The following VAC14 variants were observed in gnomAD, a reference collection of about 807,000 sequenced individuals.
VAC14 encodes the protein protein VAC14 homolog.
In VAC14, 47 loss-of-function variants were observed where a neutral mutation model predicts 85.3. That is an observed-to-expected ratio of 0.55 (90% CI 0.44 to 0.70). The LOEUF (loss-of-function observed/expected upper bound fraction) is 0.70, where lower values mean the gene tolerates loss of function less well. VAC14 is among the 30% of genes least tolerant of loss of function. VAC14 has a pLI of 0.00. For synonymous variants in VAC14, 447 were observed against 430.5 expected, an observed-to-expected ratio of 1.04 and a Z score of -0.47; for missense variants, 861 against 1,004.3, an observed-to-expected ratio of 0.86 and a Z score of 1.93.
At chr16:70,740,777 G>A (rs1277480690) in intron 13 of VAC14, among the ~76,000 whole-genome samples, 2 of 152,236 alleles carry the variant, frequency 1.3e-5, no homozygotes, top group African/African-American at 4.8e-5. Context: ...CTGCGGCTCT[G>A]CACAGGTGAG....
chr16:70,780,274 A>C (rs2143235016), intron 9 of VAC14, among the ~76,000 whole-genome samples: 2 of 152,212 alleles, frequency 1.3e-5, no homozygotes, highest in East Asian at 3.9e-4. Flanking sequence ...GAGAATTTTC[A>C]AGTACAGAAT....
At chr16:70,750,651 A>G (rs1273194527) in intron 12 of VAC14, among the ~76,000 whole-genome samples, 2 of 151,926 alleles carry the variant, frequency 1.3e-5, no homozygotes, top group Admixed American at 6.6e-5. Flanking sequence ...GGCATATTTC[A>G]ATGTGGGAGG....
Position 70,800,976 on chromosome 16 carries a change from G to A in VAC14, c.-76C>T. ...CGCGCCGGGGCCAGGGGAGTCTGCG[G>A]CTCCGCTCTGCCCCCGGCGCCGGCG... On this transcript the variant is annotated 5_prime_UTR_variant, in exon 1 of 19. Transcript: ENST00000261776. 1 of 1,049,886 alleles carries A rather than the reference G, an allele frequency of 9.5e-7. No individual in the cohort carries two copies. Among genetic ancestry groups the A allele is most frequent in the Non-Finnish European group, 1.3e-6 (1 of 758,806 alleles). 65.0% of individuals were successfully genotyped at this position (1,049,886 alleles called of 1,614,324 possible). A position where few individuals can be genotyped will look rare whatever the true frequency, so the allele number is the denominator to read the frequency against.
intron 14 of VAC14, among the ~76,000 whole-genome samples, chr16:70,705,639 C>A (rs1056710098): frequency 6.6e-6 from 1 of 152,160 alleles, no homozygotes; most frequent in African/African-American, 2.4e-5. Context: ...GAGAGATGAG[C>A]GTGGAGGCTG....
chr16:70,787,012 G>A (rs1428089230), intron 1 of VAC14, among the ~76,000 whole-genome samples: 1 of 152,220 alleles, frequency 6.6e-6, no homozygotes, highest in Non-Finnish European at 1.5e-5. Context: ...CCAAGGCCAC[G>A]CAAGCTGACA....
intron 14 of VAC14, among the ~76,000 whole-genome samples, chr16:70,713,549 C>T (rs184704339): frequency 3.2e-4 from 48 of 152,312 alleles, no homozygotes; most frequent in African/African-American, 1.0e-3. Flanking sequence ...TGGAAGAGGG[C>T]AGGCTTGAGG....
chr16:70,751,094 C>G (rs570209028), intron 12 of VAC14, among the ~76,000 whole-genome samples: 2 of 152,192 alleles, frequency 1.3e-5, no homozygotes, highest in Admixed American at 6.5e-5. Context: ...GGAGGATGGA[C>G]GGAGAGGCCG....
At chr16:70,695,822 G>A (rs2053695443) in intron 16 of VAC14, 199 bp from the exon 17 acceptor site, 1 of 538,702 alleles carries the variant, frequency 1.9e-6, no homozygotes, top group Non-Finnish European at 3.4e-6. Flanking sequence ...CTGTTCAGGA[G>A]TTCCAGGTTC....
chr16:70,693,039 C>T, intron 17 of VAC14, 68 bp from the exon 18 acceptor site: 1 of 1,534,428 alleles, frequency 6.5e-7, no homozygotes, highest in Non-Finnish European at 8.8e-7. Flanking sequence ...CCCACACTGC[C>T]TGCCTCCGAC....
intron 12 of VAC14, chr16:70,755,377 TG>T (rs1361246410): frequency 5.1e-6 from 1 of 195,102 alleles, no homozygotes; most frequent in Non-Finnish European, 1.1e-5. Flanking sequence ...CAAAACCCTA[TG>T]GGGTCAGCGG....
chr16:70,725,852 T>C (rs1232914854), intron 14 of VAC14, among the ~76,000 whole-genome samples: 3 of 152,172 alleles, frequency 2.0e-5, no homozygotes, highest in African/African-American at 7.2e-5. Flanking sequence ...CATCTACCAT[T>C]AACTGGGCCG....
intron 12 of VAC14, among the ~76,000 whole-genome samples, chr16:70,751,505 C>T (rs930017639): frequency 2.0e-5 from 3 of 152,222 alleles, no homozygotes; most frequent in Non-Finnish European, 2.9e-5. Flanking sequence ...ACACAGGCCC[C>T]GAGGGCAGGT....
At chr16:70,690,511 C>T (rs2053577266) in intron 18 of VAC14, 1 of 985,522 alleles carries the variant, frequency 1.0e-6, no homozygotes, top group Admixed American at 6.1e-5. Flanking sequence ...TCCCTCCTGC[C>T]TTACTGAGGA....
At chr16:70,711,855 C>T (rs754820102) in intron 14 of VAC14, among the ~76,000 whole-genome samples, 10 of 152,152 alleles carry the variant, frequency 6.6e-5, no homozygotes, top group Non-Finnish European at 1.2e-4. Flanking sequence ...GGAAACAGGA[C>T]GAGAAGTTAA....
chr16:70,756,616 C>T (rs1046802463), intron 12 of VAC14, among the ~76,000 whole-genome samples: 2 of 152,164 alleles, frequency 1.3e-5, no homozygotes, highest in African/African-American at 4.8e-5. Flanking sequence ...CATTCCTCTC[C>T]CCTCAGGACT....
chr16:70,790,482 A>T (rs1567611027), intron 1 of VAC14, among the ~76,000 whole-genome samples: 2 of 152,224 alleles, frequency 1.3e-5, no homozygotes, highest in African/African-American at 4.8e-5. Context: ...GCAGAAGACC[A>T]TGAGCTCGCA....
chr16:70,742,205 C>T (rs941305649), intron 13 of VAC14, among the ~76,000 whole-genome samples: 2 of 152,160 alleles, frequency 1.3e-5, no homozygotes, highest in Admixed American at 6.5e-5. Flanking sequence ...GAGGCTGTGG[C>T]GCCTGCTTCC....
At chr16:70,797,519 G>A (rs950038140) in intron 1 of VAC14, among the ~76,000 whole-genome samples, 3 of 152,158 alleles carry the variant, frequency 2.0e-5, no homozygotes, top group African/African-American at 4.8e-5. Context: ...TGTGATATAC[G>A]TATGTTAGAA....
At chr16:70,723,504 G>C (rs755387705) in intron 14 of VAC14, among the ~76,000 whole-genome samples, 1 of 152,200 alleles carries the variant, frequency 6.6e-6, no homozygotes, top group African/African-American at 2.4e-5. Context: ...GTACACATTA[G>C]CTACTTGTTA....
Sources: gnomAD v4.1 joint callset for allele counts (sites outside exome capture counted in the v4.1 genomes callset) on GRCh38, gnomAD v4.1.1 for gene constraint, MANE v1.5 for transcripts, NCBI Gene and HGNC (gene_info 2026-07-23, HGNC 2026-07-21) for gene names.